Variants in SLC24A2 observed in about 807,000 individuals in gnomAD.
SLC24A2 encodes the protein sodium/potassium/calcium exchanger 2.
SLC24A2 carries 36 observed loss-of-function variants against 62.0 expected under a neutral mutation model. The observed-to-expected ratio is 0.58, with a 90% CI of 0.44 to 0.77. SLC24A2 has a LOEUF of 0.77. Ranked by LOEUF, SLC24A2 falls within the 30% of genes least tolerant of loss-of-function variation. SLC24A2 has a pLI of 0.00. For missense variants in SLC24A2, 846 were observed against 817.9 expected (o/e 1.03, Z -0.42); for synonymous variants, 358 against 294.0 (o/e 1.22, Z -2.23).
In SLC24A2 at chr9:19,507,568, G is replaced by T. The variant is rs1212551839; in HGVS notation, c.*8585C>A. 6.6e-6 allele frequency: 1 copy of T among 152,186 alleles called. No individual in the cohort carries two copies. Among genetic ancestry groups the T allele is most frequent in the Non-Finnish European group, 1.5e-5 (1 of 68,042 alleles). 9.4% of individuals were successfully genotyped at this position (152,186 alleles called of 1,614,324 possible). ...TAGTAGAAGCACAAAGGTATGGACAGTGAAACAAGAAGAAACACCCTTTAT... is the reference window on the plus strand; with the variant it reads ...TAGTAGAAGCACAAAGGTATGGACATTGAAACAAGAAGAAACACCCTTTAT... On this transcript the variant is annotated 3_prime_UTR_variant, in exon 11 of 11. Coordinates refer to ENST00000341998, the MANE Select transcript of SLC24A2 (RefSeq NM_020344.4).
chr9:20,149,121 T>C, the SLC24A2 span, among the ~76,000 whole-genome samples: 3 of 152,030 alleles, frequency 2.0e-5, no homozygotes, highest in African/African-American at 7.2e-5. Context: ...CAGATTTGTA[T>C]AACAAATCCT....
At chr9:20,152,470 G>A in the SLC24A2 span, among the ~76,000 whole-genome samples, 2 of 151,878 alleles carry the variant, frequency 1.3e-5, no homozygotes, top group African/African-American at 4.8e-5. Flanking sequence ...CTTTAGCTTT[G>A]CTGAGTTTGC....
intron 2 of SLC24A2, among the ~76,000 whole-genome samples, chr9:19,644,839 G>C (rs1219978790): frequency 6.6e-6 from 1 of 151,408 alleles, no homozygotes; most frequent in Non-Finnish European, 1.5e-5. Context: ...GCTACTTTTT[G>C]CATTAAAAAT....
Position 19,786,630 on chromosome 9 carries a change from T to G in SLC24A2, c.237A>C (p.Ala79=). 2 of 1,614,134 alleles carry G rather than the reference T, an allele frequency of 1.2e-6. No homozygotes were observed. Among genetic ancestry groups the G allele is most frequent in the Non-Finnish European group, 1.7e-6 (2 of 1,179,986 alleles). Residue 79 remains alanine (A), a synonymous_variant, in exon 2 of 11, where the codon GCA becomes GCC. Coordinates refer to ENST00000341998, the MANE Select transcript of SLC24A2 (RefSeq NM_020344.4). The surrounding 1 kb of genome is among the most constrained non-coding windows in gnomAD (Gnocchi z 5.0). ...EASVVSGPRV[A]QGYHQRTLLD... The stretch of plus-strand genomic sequence containing the variant: ...AGAGAGTTCTCTGATGGTAACCCTG[T>G]GCTACCCTAGGGCCACTTACAACAC...
the SLC24A2 span, among the ~76,000 whole-genome samples, chr9:20,109,963 T>C: frequency 2.0e-5 from 3 of 152,198 alleles, no homozygotes; most frequent in Non-Finnish European, 4.4e-5. Context: ...GTTTATGCAG[T>C]TATTGTCTTC....
chr9:20,232,676 C>CA, the SLC24A2 span, among the ~76,000 whole-genome samples: 5 of 152,028 alleles, frequency 3.3e-5, no homozygotes, highest in Admixed American at 6.5e-5. Context: ...TTGATCCTTT[C>CA]AAAAAACCAG....
At chr9:19,759,741 C>G (rs1822259171) in intron 2 of SLC24A2, among the ~76,000 whole-genome samples, 1 of 152,164 alleles carries the variant, frequency 6.6e-6, no homozygotes, top group Non-Finnish European at 1.5e-5. Context: ...GTGAATAAAA[C>G]AGATTTCTGC....
At chr9:20,007,229 C>T in the SLC24A2 span, among the ~76,000 whole-genome samples, 2 of 152,164 alleles carry the variant, frequency 1.3e-5, no homozygotes, top group African/African-American at 4.8e-5. Context: ...TGCTGCAGTG[C>T]TCTGTTCTAG....
chr9:19,570,112 G>C (rs977732749), intron 7 of SLC24A2, among the ~76,000 whole-genome samples: 10 of 152,176 alleles, frequency 6.6e-5, no homozygotes, highest in Admixed American at 2.6e-4. Flanking sequence ...CCAGTACATT[G>C]TCTGACACAT....
chr9:20,184,878 T>TA, the SLC24A2 span, among the ~76,000 whole-genome samples: 1 of 151,900 alleles, frequency 6.6e-6, no homozygotes, highest in Non-Finnish European at 1.5e-5. Flanking sequence ...ATGAATGGAT[T>TA]AAAAAAAATG....
At chr9:20,043,947 G>GA in the SLC24A2 span, among the ~76,000 whole-genome samples, 1 of 152,128 alleles carries the variant, frequency 6.6e-6, no homozygotes, top group Non-Finnish European at 1.5e-5. Flanking sequence ...TTCATAAAAG[G>GA]AAAAATCAAT....
intron 8 of SLC24A2, among the ~76,000 whole-genome samples, chr9:19,537,115 T>C (rs1834017241): frequency 6.6e-6 from 1 of 151,512 alleles, no homozygotes; most frequent in Non-Finnish European, 1.5e-5. Context: ...CTTTGTGAGA[T>C]GAGTAGGTTG....
the SLC24A2 span, among the ~76,000 whole-genome samples, chr9:20,233,050 T>C: frequency 6.6e-6 from 1 of 152,196 alleles, no homozygotes; most frequent in African/African-American, 2.4e-5. Flanking sequence ...GTGAGTTTCT[T>C]AATCCTGAGT....
the SLC24A2 span, among the ~76,000 whole-genome samples, chr9:19,901,544 A>C: frequency 6.6e-6 from 1 of 152,204 alleles, no homozygotes; most frequent in Admixed American, 6.5e-5. Flanking sequence ...CTAATTATAC[A>C]TATTCAGCAG....
intron 2 of SLC24A2, among the ~76,000 whole-genome samples, chr9:19,700,249 GATATT>G (rs1820316101): frequency 6.6e-6 from 1 of 152,032 alleles, no homozygotes; most frequent in Non-Finnish European, 1.5e-5. Context: ...GTCAAGTAGA[GATATT>G]ACTGGCTTCT....
the SLC24A2 span, among the ~76,000 whole-genome samples, chr9:19,833,476 T>G: frequency 1.3e-5 from 2 of 152,170 alleles, no homozygotes; most frequent in Non-Finnish European, 2.9e-5. Flanking sequence ...ACCTCGCTCA[T>G]TGCTAGCACA....
At chr9:20,124,086 T>C in the SLC24A2 span, among the ~76,000 whole-genome samples, 2 of 152,180 alleles carry the variant, frequency 1.3e-5, no homozygotes, top group African/African-American at 4.8e-5. Context: ...TCCAATACTT[T>C]CTATTCATCC....
chr9:19,790,041 T>C (rs1352666465), upstream of SLC24A2, among the ~76,000 whole-genome samples: 1 of 152,020 alleles, frequency 6.6e-6, no homozygotes, highest in Non-Finnish European at 1.5e-5. Context: ...CTAGGGAACT[T>C]AGAAATATTT....
chr9:20,237,868 C>A, the SLC24A2 span, among the ~76,000 whole-genome samples: 2,637 of 152,232 alleles, frequency 0.017, 83 homozygotes, highest in African/African-American at 0.06. Flanking sequence ...CCTCATTTCC[C>A]TAGTGTTGAG....
Sources: gnomAD v4.1 joint callset for allele counts (sites outside exome capture counted in the v4.1 genomes callset) on GRCh38, gnomAD v4.1.1 for gene constraint, Gnocchi (gnomAD v3.1) non-coding constraint, MANE v1.5 for transcripts, NCBI Gene and HGNC (gene_info 2026-07-23, HGNC 2026-07-21) for gene names.